SLC9C2: variants seen among roughly 807,000 people sequenced by gnomAD.
SLC9C2 encodes sodium/hydrogen exchanger 11.
Under a neutral mutation model 140.2 loss-of-function variants are expected in SLC9C2, and 75 were observed. That is an observed-to-expected ratio of 0.53 (90% confidence interval 0.44 to 0.65). The LOEUF (loss-of-function observed/expected upper bound fraction) is 0.65. Ranked by LOEUF, SLC9C2 falls within the 30% of genes least tolerant of loss-of-function variation. SLC9C2 has a pLI of 0.00. For missense variants in SLC9C2, 1,074 were observed against 1,331.8 expected (o/e 0.81, Z 3.01); for synonymous variants, 375 against 420.9 (o/e 0.89, Z 1.34).
chr1:173,589,014 G>A (rs1666010134), intron 4 of SLC9C2, among the ~76,000 whole-genome samples: 1 of 152,118 alleles, frequency 6.6e-6, no homozygotes, highest in Non-Finnish European at 1.5e-5. Flanking sequence ...GGAGTTTGAG[G>A]TTGCAATGAA....
At chr1:173,556,652 G>A (rs556673669) in intron 10 of SLC9C2, among the ~76,000 whole-genome samples, 28 of 152,142 alleles carry the variant, frequency 1.8e-4, no homozygotes, top group African/African-American at 6.0e-4. Flanking sequence ...GGTGGCTCAC[G>A]TCTGTAATCC....
At chr1:173,502,297 A>AG (rs1558004836) in intron 27 of SLC9C2, among the ~76,000 whole-genome samples, 7 of 149,406 alleles carry the variant, frequency 4.7e-5, no homozygotes, top group African/African-American at 1.5e-4. Context: ...AAAAAAAAAA[A>AG]GCTGTTTATT....
intron 27 of SLC9C2, among the ~76,000 whole-genome samples, chr1:173,503,031 G>C (rs1659390048): frequency 6.6e-6 from 1 of 152,124 alleles, no homozygotes; most frequent in Admixed American, 6.6e-5. Flanking sequence ...CTAAATATCA[G>C]TGAGGGGGGT....
chr1:173,519,012 G>T (rs1003322289), intron 22 of SLC9C2, among the ~76,000 whole-genome samples: 1 of 152,068 alleles, frequency 6.6e-6, no homozygotes, highest in Non-Finnish European at 1.5e-5. Context: ...ACCTTAAAAA[G>T]ATGATTTTTG....
chr1:173,560,266 G>T (rs1341861477), intron 9 of SLC9C2, among the ~76,000 whole-genome samples: 1 of 152,152 alleles, frequency 6.6e-6, no homozygotes, highest in Non-Finnish European at 1.5e-5. Context: ...CTTTTATAGT[G>T]GATATTGTGG....
At chr1:173,539,108 A>C (rs1662188458) in intron 13 of SLC9C2, among the ~76,000 whole-genome samples, 1 of 152,220 alleles carries the variant, frequency 6.6e-6, no homozygotes, top group Non-Finnish European at 1.5e-5. Flanking sequence ...CCATTTCCCA[A>C]ACTAATTTGA....
At chr1:173,601,269 G>A (rs1666767381) in intron 2 of SLC9C2, among the ~76,000 whole-genome samples, 1 of 152,178 alleles carries the variant, frequency 6.6e-6, no homozygotes, top group African/African-American at 2.4e-5. Context: ...ATTTTGGTCA[G>A]GTTAGGTCTG....
At chr1:173,583,729 G>A in intron 5 of SLC9C2, 107 bp from the exon 6 acceptor site, 3 of 640,400 alleles carry the variant, frequency 4.7e-6, no homozygotes, top group Non-Finnish European at 8.0e-6. Context: ...AAAAGAGAAA[G>A]AACAAGGCAA....
At chr1:173,509,139 T>G (rs1659859122) in intron 24 of SLC9C2, among the ~76,000 whole-genome samples, 1 of 151,996 alleles carries the variant, frequency 6.6e-6, no homozygotes, top group Non-Finnish European at 1.5e-5. Flanking sequence ...TCTAGCAATC[T>G]CATTTTAGAA....
chr1:173,601,964 C>A, intron 1 of SLC9C2, 109 bp from the exon 2 acceptor site: 1 of 663,574 alleles, frequency 1.5e-6, no homozygotes. Flanking sequence ...CTTCTTGTCA[C>A]AGGGCACACA....
At chr1:173,556,764 AAATAAT>A (rs57193782) in intron 10 of SLC9C2, among the ~76,000 whole-genome samples, 33,017 of 151,204 alleles carry the variant, frequency 0.22, 4,438 homozygotes, top group East Asian at 0.64. Context: ...TAAAAATAAC[AAATAAT>A]AATAATAATA....
Position 173,548,484 on chromosome 1 carries a change from C to T in SLC9C2, c.1366G>A (p.Val456Ile). 10 of 1,613,822 alleles carry T rather than the reference C, an allele frequency of 6.2e-6. No homozygotes were observed. Among genetic ancestry groups the T allele is most frequent in the Non-Finnish European group, 8.5e-6 (10 of 1,179,790 alleles). ...QNATQHIQEI[V>I]QNTITLFKTE... Reference sequence around the variant, plus strand: ...TTAAATAAAGTTATTGTGTTCTGTACTATCTCCTGTATGTGCTGAGTGGCA... The same window carrying T: ...TTAAATAAAGTTATTGTGTTCTGTATTATCTCCTGTATGTGCTGAGTGGCA... Residue 456 changes from valine (V) to isoleucine (I), a missense_variant, in exon 12 of 28, where the codon GTA (valine) becomes ATA (isoleucine). Val to Ile is a conservative substitution (Grantham distance 29). Transcript: ENST00000367714.
In SLC9C2 at chr1:173,581,097, C is replaced by T. The variant is rs550215820; in HGVS notation, c.802+750G>A. ...GGCAATTAATCTGCAGAAGAAGCAG[C>T]GCTTTTAGGTAACTGGAGGTGAAAG... On this transcript the variant is annotated intron_variant, in intron 7 of 27. Coordinates refer to ENST00000367714, the MANE Select transcript of SLC9C2 (RefSeq NM_178527.4). 1.9e-4 allele frequency among the ~76,000 whole-genome samples: 29 copies of T among 152,264 alleles called. 1 individual carries two copies. The South Asian group carries it at 5.6e-3, about 29-fold the overall frequency.
chr1:173,525,172 A>C (rs1307044805), intron 19 of SLC9C2, among the ~76,000 whole-genome samples: 2 of 152,126 alleles, frequency 1.3e-5, no homozygotes, highest in Non-Finnish European at 2.9e-5. Context: ...TCCCCATGGC[A>C]TCTCCTCCAT....
chr1:173,594,248 C>T (rs758018913), intron 4 of SLC9C2, among the ~76,000 whole-genome samples: 11 of 152,134 alleles, frequency 7.2e-5, no homozygotes, highest in Non-Finnish European at 1.3e-4. Context: ...TTCTATAACA[C>T]TGCAGGATGA....
intron 23 of SLC9C2, among the ~76,000 whole-genome samples, chr1:173,512,944 A>T (rs1169035538): frequency 6.6e-6 from 1 of 152,148 alleles, no homozygotes; most frequent in Non-Finnish European, 1.5e-5. Context: ...TATCTGATGG[A>T]TTATGTTTAT....
At chr1:173,592,387 A>C (rs765485401) in intron 4 of SLC9C2, among the ~76,000 whole-genome samples, 1 of 152,166 alleles carries the variant, frequency 6.6e-6, no homozygotes, top group Non-Finnish European at 1.5e-5. Flanking sequence ...ATTTTTTTCT[A>C]GTTCTGTGAA....
intron 13 of SLC9C2, among the ~76,000 whole-genome samples, chr1:173,538,450 C>A (rs1367402552): frequency 6.9e-6 from 1 of 145,052 alleles, no homozygotes; most frequent in Admixed American, 6.6e-5. Context: ...TTATTAAATG[C>A]CTACTCTGTT....
chr1:173,599,550 A>T (rs1026623047), intron 3 of SLC9C2, among the ~76,000 whole-genome samples: 30 of 149,864 alleles, frequency 2.0e-4, no homozygotes, highest in Middle Eastern at 6.9e-3. Flanking sequence ...AATTTTTTGT[A>T]TTTTTTAGTA....
Sources: allele counts gnomAD v4.1 joint callset (sites outside exome capture counted in the v4.1 genomes callset), GRCh38; gene constraint gnomAD v4.1.1; transcripts MANE v1.5; gene names NCBI Gene and HGNC (gene_info 2026-07-23, HGNC 2026-07-21).